Variants in ADGRV1 observed in about 807,000 individuals in gnomAD.
ADGRV1 encodes adhesion G protein-coupled receptor V1, also known as G-protein coupled receptor 98.
Under a neutral mutation model 596.2 loss-of-function variants are expected in ADGRV1, and 359 were observed. The ratio of observed to expected loss-of-function variants is 0.60; its 90% CI spans 0.55 to 0.66. ADGRV1 has a LOEUF of 0.66. ADGRV1 is among the 30% of genes least tolerant of loss of function. The probability of loss-of-function intolerance (pLI) is 0.00; values close to 1 mark genes in which losing one functional copy is unlikely to be tolerated. For missense variants in ADGRV1, 7,274 were observed against 7,575.6 expected (o/e 0.96, Z 1.48); for synonymous variants, 2,681 against 2,679.2 (o/e 1.00, Z -0.02).
intron 78 of ADGRV1, among the ~76,000 whole-genome samples, chr5:90,842,516 C>A (rs999350885): frequency 1.3e-5 from 2 of 151,986 alleles, no homozygotes; most frequent in Admixed American, 6.6e-5. Flanking sequence ...GTCAGGAGTT[C>A]AAGACCACCG....
chr5:90,590,112 G>A (rs1391395501), intron 1 of ADGRV1, among the ~76,000 whole-genome samples: 11 of 152,086 alleles, frequency 7.2e-5, no homozygotes, highest in Middle Eastern at 3.4e-3. Context: ...AAAATGACAC[G>A]TTTTGTTGTA....
chr5:90,684,609 C>G (rs1745371507), intron 28 of ADGRV1, among the ~76,000 whole-genome samples: 1 of 152,132 alleles, frequency 6.6e-6, no homozygotes, highest in African/African-American at 2.4e-5. Context: ...CCAGCAGATT[C>G]AGTGCCTGGT....
Position 90,694,325 on chromosome 5 carries a change from A to G in ADGRV1, c.7569A>G (p.Thr2523=), listed in dbSNP as rs373352597. 5.5e-5 allele frequency: 88 copies of G among 1,614,012 alleles called. No homozygotes were observed. The African/African-American group carries it at 1.1e-3, about 21-fold the overall frequency. The change falls in exon 33 of 90, where the codon ACA becomes ACG. Residue 2523 remains threonine (T), a synonymous_variant. Coordinates refer to ENST00000405460, the MANE Select transcript of ADGRV1 (RefSeq NM_032119.4). ...AAGGTGATGAATTCGCAAATCTCAC[A>G]GTGTCTATTCTTCCTGATGATTTCC... ...MQEGDEFANL[T]VSILPDDFPE... is the part of the protein sequence containing the mutation.
intron 83 of ADGRV1, among the ~76,000 whole-genome samples, chr5:90,917,122 A>T (rs1228943801): frequency 6.6e-6 from 1 of 152,196 alleles, no homozygotes; most frequent in African/African-American, 2.4e-5. Flanking sequence ...CATTGCTTTC[A>T]TAAGGGATGT....
rs1425853007 is a variant in ADGRV1 at position 90,627,604 on chromosome 5, G to A, written c.1066G>A (p.Glu356Lys). ...IVDDTIPEIAESFHIMLLKDT... is the reference protein window; with the variant it reads ...IVDDTIPEIAKSFHIMLLKDT... ...TGATGACACCATACCGGAGATTGCT[G>A]AATCGTTTCACATTATGTTACTAAA... The change falls in exon 7 of 90, where the codon GAA becomes AAA. Residue 356 changes from glutamate to lysine, a missense_variant. By Grantham distance (56) the Glu-to-Lys change is moderately conservative. Around this residue, in one of 5 missense-constraint regions of ADGRV1, gnomAD observed 1,715 missense variants for 1,708.8 expected, o/e 1.00. Transcript: ENST00000405460. 6.2e-7 allele frequency: 1 copy of A among 1,613,882 alleles called. No homozygotes were observed. The highest frequency in any genetic ancestry group is 8.5e-7 in the Non-Finnish European group (1 of 1,179,868).
intron 83 of ADGRV1, among the ~76,000 whole-genome samples, chr5:90,949,765 A>G (rs577287782): frequency 1.4e-4 from 22 of 152,326 alleles, no homozygotes; most frequent in African/African-American, 5.1e-4. Flanking sequence ...AAGAAGCAAA[A>G]AAAATAAAAT....
intron 33 of ADGRV1, 33 bp downstream of exon 33, chr5:90,694,734 C>A: frequency 1.3e-6 from 2 of 1,500,534 alleles, no homozygotes; most frequent in South Asian, 1.4e-5. Flanking sequence ...TTTCCGTTGC[C>A]CCAGTAAAGT....
At chr5:90,931,905 T>G (rs551192342) in intron 83 of ADGRV1, among the ~76,000 whole-genome samples, 1 of 152,282 alleles carries the variant, frequency 6.6e-6, no homozygotes, top group South Asian at 2.1e-4. Context: ...TAATTGAATA[T>G]TTAGTGGACA....
At chr5:90,639,651 A>G (rs1234033329) in intron 11 of ADGRV1, among the ~76,000 whole-genome samples, 1 of 152,188 alleles carries the variant, frequency 6.6e-6, no homozygotes, top group Admixed American at 6.6e-5. Context: ...GTTCAAATAT[A>G]TATTAAAATG....
At chr5:90,797,665 G>A (rs768140423) in intron 70 of ADGRV1, among the ~76,000 whole-genome samples, 5 of 151,962 alleles carry the variant, frequency 3.3e-5, no homozygotes, top group Non-Finnish European at 5.9e-5. Context: ...CCAAATCAAC[G>A]GAATATATCT....
At position 90,700,712 on chromosome 5, in the gene ADGRV1, A is replaced by G. The variant is rs139842822; in HGVS notation, c.8156-2953A>G. ...AAGAAATGTGATTCTTTAAAGAAAT[A>G]TATAGAACCGCTCTACTGGAAACAC... On this transcript the variant is annotated intron_variant, in intron 34 of 89. Transcript: ENST00000405460. Among the ~76,000 whole-genome samples the G allele has an allele frequency of 4.1e-3, 627 of 152,270 alleles. 4 individuals carry two copies. Among genetic ancestry groups the G allele is most frequent in the Non-Finnish European group, 5.3e-3 (361 of 68,002 alleles).
chr5:90,885,086 G>T (rs1374824700), intron 83 of ADGRV1, among the ~76,000 whole-genome samples: 5 of 152,130 alleles, frequency 3.3e-5, no homozygotes, highest in Admixed American at 2.6e-4. Flanking sequence ...ACACATGTAT[G>T]TTAATAGTTT....
At chr5:90,717,625 GGCTACAGGCGCCCACC>G (rs1362054125) in intron 43 of ADGRV1, 1 of 152,000 alleles carries the variant, frequency 6.6e-6, no homozygotes, top group Non-Finnish European at 1.5e-5. Context: ...CCTCCTGAGT[GGCTACAGGCGCCCACC>G]ACTACAGGCG....
intron 85 of ADGRV1, chr5:91,031,284 C>A (rs1345010810): frequency 1.3e-6 from 2 of 1,554,360 alleles, no homozygotes; most frequent in South Asian, 2.2e-5. Flanking sequence ...TGTTGTAAGT[C>A]TCATTGATTT....
chr5:90,699,636 G>A (rs557858867), intron 34 of ADGRV1, among the ~76,000 whole-genome samples: 60 of 152,258 alleles, frequency 3.9e-4, no homozygotes, highest in Admixed American at 8.5e-4. Context: ...GGCCACTAAT[G>A]TTGTGAAAGT....
At chr5:90,581,186 C>T (rs116050288) in intron 1 of ADGRV1, among the ~76,000 whole-genome samples, 4,115 of 152,164 alleles carry the variant, frequency 0.027, 77 homozygotes, top group Non-Finnish European at 0.041. Context: ...AGCTTCCTTG[C>T]GATAGGTTAG....
intron 70 of ADGRV1, among the ~76,000 whole-genome samples, chr5:90,798,161 A>G (rs1394651132): frequency 6.6e-6 from 1 of 152,194 alleles, no homozygotes; most frequent in Non-Finnish European, 1.5e-5. Flanking sequence ...AGATCAATAA[A>G]ATAGATTGAC....
chr5:90,946,029 A>G (rs1457793407), intron 83 of ADGRV1, among the ~76,000 whole-genome samples: 1 of 152,138 alleles, frequency 6.6e-6, no homozygotes, highest in Non-Finnish European at 1.5e-5. Context: ...GCAGACTTAT[A>G]CAATAAGAAG....
intron 73 of ADGRV1, among the ~76,000 whole-genome samples, chr5:90,808,461 TTA>T (rs1389983515): frequency 6.6e-6 from 1 of 152,222 alleles, no homozygotes; most frequent in African/African-American, 2.4e-5. Flanking sequence ...GTGTACATGT[TTA>T]TGTGTGGGGG....
Sources: allele counts gnomAD v4.1 joint callset (sites outside exome capture counted in the v4.1 genomes callset), GRCh38; gene constraint gnomAD v4.1.1; regional missense constraint gnomAD v4.1.1; transcripts MANE v1.5; gene names NCBI Gene and HGNC (gene_info 2026-07-23, HGNC 2026-07-21).